HDAC9: variants seen among roughly 807,000 people sequenced by gnomAD.
HDAC9 encodes histone deacetylase 9.
A neutral mutation model predicts 139.4 loss-of-function variants in HDAC9; 41 were observed. That is an observed-to-expected ratio of 0.29 (90% CI 0.23 to 0.38). The LOEUF (loss-of-function observed/expected upper bound fraction) is 0.38, where lower values mean the gene tolerates loss of function less well. Ranked by LOEUF, HDAC9 falls within the 10% of genes least tolerant of loss-of-function variation. The probability of loss-of-function intolerance (pLI) is 1.00; values close to 1 mark genes in which losing one functional copy is unlikely to be tolerated. For synonymous variants in HDAC9, 517 were observed against 476.2 expected, an observed-to-expected ratio of 1.09 and a Z score of -1.12; for missense variants, 1,147 against 1,297.0, an observed-to-expected ratio of 0.88 and a Z score of 1.78.
chr7:18,394,025 G>T (rs1323216554), intron 1 of HDAC9, among the ~76,000 whole-genome samples: 1 of 151,926 alleles, frequency 6.6e-6, no homozygotes, highest in East Asian at 1.9e-4. Context: ...AGACTTTTTT[G>T]GTTCCATAAA....
chr7:18,434,083 C>T (rs752481256), intron 1 of HDAC9, among the ~76,000 whole-genome samples: 2 of 152,132 alleles, frequency 1.3e-5, no homozygotes, highest in Non-Finnish European at 1.5e-5. Context: ...ACCAACAGAA[C>T]AGAATAGAGA....
chr7:18,356,506 G>T (rs1783316736), intron 1 of HDAC9, among the ~76,000 whole-genome samples: 1 of 151,732 alleles, frequency 6.6e-6, no homozygotes, highest in African/African-American at 2.4e-5. Context: ...TGACTCCTGC[G>T]AATGAATCCT....
rs2129074526 is a variant in HDAC9, at chr7:18,666,095, A to C, written c.1468-118A>C. On this transcript the variant is annotated intron_variant, in intron 11 of 25. Transcript: ENST00000686413. The stretch of plus-strand genomic sequence containing the variant: ...TTGTTGCCTACAAGTTCATTCTGAA[A>C]TTTATGTTCAATGATTAGAAATCAC... 3.5e-6 allele frequency: 4 copies of C among 1,131,086 alleles called. No homozygotes were observed. In the South Asian group the frequency reaches 6.6e-5, roughly 19 times the overall value. 70.1% of individuals were successfully genotyped at this position (1,131,086 alleles called of 1,614,324 possible).
rs891373101 is a variant in HDAC9 at position 18,409,210 on chromosome 7, A to T, written c.-41-87052A>T. Among the ~76,000 whole-genome samples, 8 of 152,272 alleles carry T rather than the reference A, an allele frequency of 5.3e-5. No individual in the cohort carries two copies. In the South Asian group the frequency reaches 1.7e-3, roughly 32 times the overall value. On this transcript the variant is annotated intron_variant, in intron 1 of 3. Coordinates refer to the HDAC9 transcript ENST00000413509. ...ACCTACTTGTTAATTGGCAGGTTAAACTTTTATGAGTTTCTGGTACCCTGG... is the reference window on the plus strand; with the variant it reads ...ACCTACTTGTTAATTGGCAGGTTAATCTTTTATGAGTTTCTGGTACCCTGG...
chr7:18,610,207 C>T (rs989440965), intron 6 of HDAC9, among the ~76,000 whole-genome samples: 1 of 152,168 alleles, frequency 6.6e-6, no homozygotes, highest in African/African-American at 2.4e-5. Flanking sequence ...AAGAAGCAAG[C>T]ACCAAATACA....
intron 22 of HDAC9, among the ~76,000 whole-genome samples, chr7:18,905,554 C>G (rs1015479273): frequency 6.6e-6 from 1 of 152,106 alleles, no homozygotes. Flanking sequence ...TGCCACAGCT[C>G]AACAGTGCCA....
At chr7:18,685,362 T>G (rs543388436) in intron 12 of HDAC9, among the ~76,000 whole-genome samples, 4 of 148,146 alleles carry the variant, frequency 2.7e-5, no homozygotes, top group East Asian at 2.0e-4. Flanking sequence ...GAAGAGCCAG[T>G]TTTTTTTTTG....
intron 16 of HDAC9, among the ~76,000 whole-genome samples, chr7:18,783,544 C>T (rs1791431991): frequency 6.6e-6 from 1 of 152,108 alleles, no homozygotes; most frequent in African/African-American, 2.4e-5. Flanking sequence ...TTCAGTAACA[C>T]ACCTCTGTAA....
rs79307076 is a variant in HDAC9, at chr7:18,805,179, A to G, written c.2322+11727A>G. On this transcript the variant is annotated intron_variant, in intron 17 of 25. Transcript: ENST00000686413. ...CCTAAGCTTTGGTCCCACTTAAACT[A>G]AATGTGCAAGAGAAGGGGAAGGACA... 8.7e-3 allele frequency among the ~76,000 whole-genome samples: 1,318 copies of G among 152,326 alleles called. 13 individuals carry two copies. Among genetic ancestry groups the G allele is most frequent in the Non-Finnish European group, 0.013 (896 of 68,026 alleles).
chr7:18,320,472 G>A (rs1799949566), intron 1 of HDAC9, among the ~76,000 whole-genome samples: 1 of 152,080 alleles, frequency 6.6e-6, no homozygotes, highest in South Asian at 2.1e-4. Context: ...CTGCAGGATC[G>A]GTGGCTCTTC....
chr7:18,171,025 A>G (rs891689903), intron 2 of HDAC9, among the ~76,000 whole-genome samples: 2 of 152,162 alleles, frequency 1.3e-5, no homozygotes, highest in African/African-American at 4.8e-5. Context: ...GAGTGTATAA[A>G]TTACCTTGGG....
chr7:18,163,163 A>G (rs1010335454), intron 2 of HDAC9, among the ~76,000 whole-genome samples: 1 of 152,108 alleles, frequency 6.6e-6, no homozygotes, highest in Non-Finnish European at 1.5e-5. Flanking sequence ...ACTTGCCAAG[A>G]TTTTCATTCC....
intron 23 of HDAC9, among the ~76,000 whole-genome samples, chr7:18,937,030 A>ATTTTTTTTTTTTTT (rs768350029): frequency 3.1e-5 from 3 of 96,696 alleles, no homozygotes; most frequent in Admixed American, 1.4e-4. Context: ...GCTCTTGTTA[A>ATTTTTTTTTTTTTT]TTTTTTTTTT....
chr7:18,325,554 A>G (rs1331510261), intron 1 of HDAC9: 2 of 152,006 alleles, frequency 1.3e-5, no homozygotes. Flanking sequence ...ATCAAACTCC[A>G]GTGATCAAGT....
At chr7:18,474,190 T>G (rs1219355788) in intron 1 of HDAC9, among the ~76,000 whole-genome samples, 1 of 152,180 alleles carries the variant, frequency 6.6e-6, no homozygotes, top group Non-Finnish European at 1.5e-5. Context: ...AAATTACATT[T>G]AAAAACAACA....
In HDAC9 at chr7:18,868,583, T is replaced by G. The variant is rs935088816; in HGVS notation, c.2685-5895T>G. Among the ~76,000 whole-genome samples, 3 of 152,198 alleles carry G rather than the reference T, an allele frequency of 2.0e-5. No homozygotes were observed. In the East Asian group the frequency reaches 5.8e-4, roughly 29 times the overall value. On this transcript the variant is annotated intron_variant, in intron 21 of 25. Transcript: ENST00000686413. ...GAGTATATGGTGTTAGGACATACAT[T>G]AGTTTTTTTCTACAGTTCCTGGCTC...
At chr7:18,739,434 A>T (rs768910517) in intron 13 of HDAC9, among the ~76,000 whole-genome samples, 3 of 152,228 alleles carry the variant, frequency 2.0e-5, no homozygotes, top group Non-Finnish European at 2.9e-5. Flanking sequence ...GGTGACCTAC[A>T]GATGGGGTTT....
chr7:18,353,356 T>C (rs1383677987), intron 1 of HDAC9, among the ~76,000 whole-genome samples: 1 of 152,142 alleles, frequency 6.6e-6, no homozygotes, highest in Non-Finnish European at 1.5e-5. Flanking sequence ...TAACTCCATG[T>C]GTCACAAAAA....
At chr7:18,390,241 A>G (rs1457893426) in intron 1 of HDAC9, among the ~76,000 whole-genome samples, 1 of 152,170 alleles carries the variant, frequency 6.6e-6, no homozygotes, top group African/African-American at 2.4e-5. Context: ...ATGACTAGAC[A>G]CAATTCAGTA....
Sources: gnomAD v4.1 joint callset for allele counts (sites outside exome capture counted in the v4.1 genomes callset) on GRCh38, gnomAD v4.1.1 for gene constraint, MANE v1.5 for transcripts, NCBI Gene and HGNC (gene_info 2026-07-23, HGNC 2026-07-21) for gene names.